PPIL4: variants seen among roughly 807,000 people sequenced by gnomAD.
The protein encoded by PPIL4 is peptidyl-prolyl cis-trans isomerase-like 4.
Under a neutral mutation model 69.1 loss-of-function variants are expected in PPIL4, and 50 were observed. The ratio of observed to expected loss-of-function variants is 0.72; its 90% confidence interval spans 0.58 to 0.92. PPIL4 has a LOEUF of 0.92. Among genes scored for constraint, PPIL4 ranks in the 40% least tolerant of loss-of-function variants. PPIL4 has a pLI of 0.00. For synonymous variants in PPIL4, 193 were observed against 191.6 expected (o/e 1.01, Z -0.06); for missense variants, 480 against 587.9 (o/e 0.82, Z 1.90).
chr6:149,514,955 G>A (rs544958014), intron 11 of PPIL4, among the ~76,000 whole-genome samples: 4 of 151,964 alleles, frequency 2.6e-5, no homozygotes, highest in Admixed American at 2.6e-4. Flanking sequence ...TCCTGCCTCA[G>A]CCTCCCGAGT....
chr6:149,531,718 G>C (rs192645951), intron 7 of PPIL4, among the ~76,000 whole-genome samples: 1 of 151,940 alleles, frequency 6.6e-6, no homozygotes, highest in Admixed American at 6.6e-5. Flanking sequence ...TGCCCAGGCC[G>C]GAGTGCAATG....
At chr6:149,519,782 C>CA (rs1028641925) in intron 10 of PPIL4, among the ~76,000 whole-genome samples, 15 of 150,762 alleles carry the variant, frequency 9.9e-5, no homozygotes, top group South Asian at 6.3e-4. Flanking sequence ...TAAAAACAGA[C>CA]AAAAAAAACA....
chr6:149,522,205 C>G (rs1583207097), intron 9 of PPIL4, among the ~76,000 whole-genome samples: 1 of 152,108 alleles, frequency 6.6e-6, no homozygotes, highest in African/African-American at 2.4e-5. Context: ...CATGCTATAT[C>G]CCCAAAGAGA....
chr6:149,521,805 T>C (rs1777033687), intron 9 of PPIL4, among the ~76,000 whole-genome samples: 1 of 152,140 alleles, frequency 6.6e-6, no homozygotes, highest in Non-Finnish European at 1.5e-5. Flanking sequence ...TTCTCAAGGG[T>C]TTTAGATAAT....
chr6:149,537,398 C>T (rs1239089275), intron 4 of PPIL4, among the ~76,000 whole-genome samples: 1 of 152,090 alleles, frequency 6.6e-6, no homozygotes, highest in East Asian at 1.9e-4. Context: ...ACCAAAAATC[C>T]CAAGGCCGTT....
intron 7 of PPIL4, among the ~76,000 whole-genome samples, chr6:149,528,981 C>T (rs756896929): frequency 7.2e-5 from 11 of 152,148 alleles, no homozygotes; most frequent in Non-Finnish European, 7.3e-5. Flanking sequence ...GTAATCCCAA[C>T]ACTTTGGGAG....
chr6:149,522,727 C>T (rs1777049468), intron 9 of PPIL4, among the ~76,000 whole-genome samples: 1 of 152,188 alleles, frequency 6.6e-6, no homozygotes, highest in African/African-American at 2.4e-5. Context: ...ATTCTCCTGC[C>T]TCAGTCTCCC....
At chr6:149,524,601 T>C (rs1365612464) in intron 9 of PPIL4, among the ~76,000 whole-genome samples, 2 of 152,144 alleles carry the variant, frequency 1.3e-5, no homozygotes, top group Admixed American at 1.3e-4. Context: ...ACTTAGAACT[T>C]AAAAAGTTCT....
Position 149,533,762 on chromosome 6 carries a change from A to G in PPIL4, c.562-188T>C, listed in dbSNP as rs1340510995. On this transcript the variant is annotated intron_variant, in intron 6 of 12. Transcript: ENST00000253329. ...CAGTGAGATCTTGTCTCTAAAAAAA[A>G]ATTTTTAATAATTAATTGGACAGCA... is the stretch of plus-strand genomic sequence containing the variant. 2.0e-5 allele frequency among the ~76,000 whole-genome samples: 3 copies of G among 152,128 alleles called. 1 individual carries two copies. The highest frequency in any genetic ancestry group is 2.0e-4 in the Admixed American group (3 of 15,252).
At chr6:149,543,019 G>A (rs1777386790) in intron 1 of PPIL4, among the ~76,000 whole-genome samples, 1 of 152,100 alleles carries the variant, frequency 6.6e-6, no homozygotes, top group African/African-American at 2.4e-5. Flanking sequence ...CCTTTTACTA[G>A]AAACAAAAAT....
intron 1 of PPIL4, among the ~76,000 whole-genome samples, chr6:149,545,503 A>C (rs2115043135): frequency 6.6e-6 from 1 of 152,312 alleles, no homozygotes; most frequent in Middle Eastern, 3.4e-3. Flanking sequence ...CGGTATGCCC[A>C]CACTCGCTGC....
chr6:149,528,085 G>A (rs1310628373), intron 7 of PPIL4, among the ~76,000 whole-genome samples: 1 of 152,192 alleles, frequency 6.6e-6, no homozygotes, highest in Non-Finnish European at 1.5e-5. Context: ...GTAAGACCTT[G>A]TCTCTATAGT....
At chr6:149,535,510 A>C in intron 5 of PPIL4, 86 bp downstream of exon 5, 80 of 971,118 alleles carry the variant, frequency 8.2e-5, no homozygotes, top group Non-Finnish European at 1.1e-4. Context: ...AGTCCTATGC[A>C]TACCGTTCCT....
At chr6:149,515,695 T>C (rs986474367) in intron 11 of PPIL4, among the ~76,000 whole-genome samples, 1 of 152,150 alleles carries the variant, frequency 6.6e-6, no homozygotes, top group African/African-American at 2.4e-5. Flanking sequence ...TCAAGACACT[T>C]GTTGTATCTC....
At chr6:149,535,809 G>T in intron 4 of PPIL4, 71 bp from the exon 5 acceptor site, 1 of 1,085,368 alleles carries the variant, frequency 9.2e-7, no homozygotes, top group Non-Finnish European at 1.3e-6. Context: ...GTTACAGACT[G>T]ACAAAAAAAT....
intron 7 of PPIL4, among the ~76,000 whole-genome samples, chr6:149,529,749 C>T (rs577720049): frequency 1.6e-5 from 2 of 123,580 alleles, no homozygotes; most frequent in African/African-American, 6.3e-5. Flanking sequence ...ACGACAAGAG[C>T]GAGACTCCGT....
At chr6:149,511,565 G>A (rs1317657843) in intron 12 of PPIL4, among the ~76,000 whole-genome samples, 3 of 152,076 alleles carry the variant, frequency 2.0e-5, no homozygotes, top group East Asian at 1.9e-4. Flanking sequence ...GTGAGCCACC[G>A]TACCCAGCCT....
At chr6:149,517,119 T>C in intron 11 of PPIL4, 1 of 328,950 alleles carries the variant, frequency 3.0e-6, no homozygotes, top group South Asian at 7.2e-5. Context: ...AGAATTAGGC[T>C]ACAGATTTCT....
rs76599210 is a variant in PPIL4 at position 149,510,211 on chromosome 6, T to C, written c.1227+1944A>G. On this transcript the variant is annotated intron_variant, in intron 12 of 12. Coordinates refer to ENST00000253329, the MANE Select transcript of PPIL4 (RefSeq NM_139126.4). ...AAGAAATTCTATCTCTGCTGGATTA[T>C]AGCAAAGAGCTAACTACATATATCA... Among the ~76,000 whole-genome samples the C allele has an allele frequency of 2.4e-3, 369 of 152,316 alleles. 2 individuals are homozygous for C. The highest frequency in any genetic ancestry group is 8.4e-3 in the African/African-American group (350 of 41,572).
Sources: gnomAD v4.1 joint callset for allele counts (sites outside exome capture counted in the v4.1 genomes callset) on GRCh38, gnomAD v4.1.1 for gene constraint, MANE v1.5 for transcripts, NCBI Gene and HGNC (gene_info 2026-07-23, HGNC 2026-07-21) for gene names.